Variants in CSPP1 observed in about 807,000 individuals in gnomAD.
CSPP1 encodes centrosome and spindle pole associated protein 1, also known as centrosome and spindle pole-associated protein 1.
In CSPP1, 126 loss-of-function variants were observed where a neutral mutation model predicts 164.4. The ratio of observed to expected loss-of-function variants is 0.77; its 90% CI spans 0.66 to 0.89. CSPP1 has a LOEUF of 0.89. Among genes scored for constraint, CSPP1 ranks in the 40% least tolerant of loss-of-function variants. The pLI, the probability that CSPP1 is intolerant of heterozygous loss-of-function variation, is 0.00. For missense variants in CSPP1, 1,395 were observed against 1,449.8 expected, an observed-to-expected ratio of 0.96 and a Z score of 0.61; for synonymous variants, 472 against 476.7, an observed-to-expected ratio of 0.99 and a Z score of 0.13.
intron 7 of CSPP1, among the ~76,000 whole-genome samples, chr8:67,096,163 T>C (rs1189315516): frequency 6.6e-6 from 1 of 152,182 alleles, no homozygotes; most frequent in Admixed American, 6.5e-5. Context: ...CAAAGAAACC[T>C]TGAGGCAAGA....
chr8:67,183,311 C>T (rs985665868), intron 28 of CSPP1, among the ~76,000 whole-genome samples: 4 of 152,212 alleles, frequency 2.6e-5, no homozygotes, highest in East Asian at 1.9e-4. Flanking sequence ...TAATGGATGT[C>T]GAAAGACAAC....
intron 27 of CSPP1, 69 bp downstream of exon 27, chr8:67,177,795 C>T: frequency 9.6e-7 from 1 of 1,041,538 alleles, no homozygotes; most frequent in South Asian, 1.3e-5. Flanking sequence ...ATATGATGAT[C>T]AAGTAATTCA....
At chr8:67,082,941 C>T (rs1809517584) in intron 3 of CSPP1, among the ~76,000 whole-genome samples, 1 of 152,154 alleles carries the variant, frequency 6.6e-6, no homozygotes, top group African/African-American at 2.4e-5. Context: ...TTCCTTAGCT[C>T]ATTAAGTCAA....
intron 16 of CSPP1, chr8:67,134,367 G>A (rs1054718515): frequency 6.6e-6 from 1 of 152,078 alleles, no homozygotes; most frequent in African/African-American, 2.4e-5. Flanking sequence ...TGTATATCTA[G>A]CTCTTGGTTG....
chr8:67,139,750 A>T lies in CSPP1; in HGVS notation c.1975+2147A>T, dbSNP rs963017776. Among the ~76,000 whole-genome samples the T allele has an allele frequency of 3.3e-5, 5 of 152,292 alleles. No homozygotes were observed. In the East Asian group the frequency reaches 9.7e-4, roughly 29 times the overall value. On this transcript the variant is annotated intron_variant, in intron 17 of 30. Transcript: ENST00000678616. ...CAGCAAACTATTGCAAGGACAAAAA[A>T]CCAAACACCGCATGTTCTCACTCAT...
intron 26 of CSPP1, 187 bp downstream of exon 26, chr8:67,175,623 C>T: frequency 1.4e-6 from 1 of 718,586 alleles, no homozygotes; most frequent in South Asian, 1.5e-5. Flanking sequence ...AGTGGCTCCA[C>T]TAGGGTGGTG....
intron 28 of CSPP1, among the ~76,000 whole-genome samples, chr8:67,187,507 C>T (rs1005053816): frequency 6.6e-6 from 1 of 152,026 alleles, no homozygotes; most frequent in African/African-American, 2.4e-5. Context: ...CAAAACAACA[C>T]CTTGTCTCTA....
intron 15 of CSPP1, among the ~76,000 whole-genome samples, chr8:67,126,174 A>G (rs1820019857): frequency 1.3e-5 from 2 of 152,148 alleles, no homozygotes; most frequent in South Asian, 2.1e-4. Context: ...CTTTCAACAT[A>G]TTTCTGATAA....
intron 7 of CSPP1, among the ~76,000 whole-genome samples, chr8:67,100,984 A>T (rs1322451257): frequency 6.6e-6 from 1 of 152,152 alleles, no homozygotes; most frequent in Non-Finnish European, 1.5e-5. Context: ...AATTTATTAC[A>T]GCAAAATGAT....
chr8:67,195,559 T>A lies in CSPP1; in HGVS notation c.3647T>A (p.Phe1216Tyr), dbSNP rs771365440. Residue 1216 changes from phenylalanine (F) to tyrosine (Y), a missense_variant, in exon 31 of 31, where the codon TTC becomes TAC. Transcript: ENST00000678616. The stretch of plus-strand genomic sequence containing the variant: ...CAGATTCCTGGAAAACCAGGCACTT[T>A]CACTTGGCAGGGCCTGTCGACTGCA... ...QQQIPGKPGTFTWQGLSTAHG is the reference protein window; with the variant it reads ...QQQIPGKPGTYTWQGLSTAHG 7.4e-6 allele frequency: 12 copies of A among 1,614,080 alleles called. No homozygotes were observed. In the East Asian group the frequency reaches 2.7e-4, roughly 36 times the overall value.
intron 1 of CSPP1, among the ~76,000 whole-genome samples, chr8:67,070,306 C>CA (rs1806459365): frequency 1.3e-5 from 2 of 151,582 alleles, no homozygotes; most frequent in African/African-American, 2.4e-5. Context: ...ACTAATAATA[C>CA]AAAAAAATTA....
At position 67,155,267 on chromosome 8, in the gene CSPP1, C is replaced by T. The variant is rs567384884; in HGVS notation, c.2241+1131C>T. Among the ~76,000 whole-genome samples, 5 of 152,296 alleles carry T rather than the reference C, an allele frequency of 3.3e-5. No homozygotes were observed. The South Asian group carries it at 1.0e-3, about 32-fold the overall frequency. On this transcript the variant is annotated intron_variant, in intron 19 of 30. Coordinates refer to ENST00000678616, the MANE Select transcript of CSPP1 (RefSeq NM_001382391.1). ...TACCAGTGTCAGATTAATCTTATGG[C>T]CTGGTTAATCCTCCTTTGATATGAC...
intron 1 of CSPP1, chr8:67,069,079 T>C (rs566287772): frequency 6.6e-6 from 1 of 152,352 alleles, no homozygotes; most frequent in African/African-American, 2.4e-5. Flanking sequence ...CACATATAAG[T>C]CTTTTCCAAT....
At chr8:67,077,580 G>A (rs186654537) in intron 3 of CSPP1, among the ~76,000 whole-genome samples, 137 of 152,144 alleles carry the variant, frequency 9.0e-4, no homozygotes, top group Non-Finnish European at 1.4e-3. Context: ...CAGGTGATCT[G>A]CCTGCCCGCC....
In CSPP1 at chr8:67,177,682, G is replaced by C; in HGVS notation, c.3112G>C (p.Asp1038His). ...CTTTTGTTCTCCATTGACTACAGTT[G>C]ACTTAGATGCCATCCCAAGTGCTAA... is the stretch of plus-strand genomic sequence containing the variant. ...RIKMQEGAKVDLDAIPSAKVR... is the reference protein window; with the variant it reads ...RIKMQEGAKVHLDAIPSAKVR... Residue 1038 changes from aspartate (D) to histidine (H), a missense_variant and splice_region_variant, in exon 27 of 31, where the codon GAC becomes CAC. Asp to His is a moderately conservative substitution (Grantham distance 81). Coordinates refer to ENST00000678616, the MANE Select transcript of CSPP1 (RefSeq NM_001382391.1). The C allele has an allele frequency of 6.2e-7, 1 of 1,608,636 alleles. No individual in the cohort carries two copies. Among genetic ancestry groups the C allele is most frequent in the South Asian group, 1.1e-5 (1 of 90,640 alleles).
chr8:67,132,066 G>C lies in CSPP1; in HGVS notation c.1813G>C (p.Ala605Pro). 1.2e-6 allele frequency: 2 copies of C among 1,612,520 alleles called. No individual in the cohort carries two copies. The highest frequency in any genetic ancestry group is 1.7e-6 in the Non-Finnish European group (2 of 1,179,258). ...ACAGTCACTTCAGTCTTACCAAGAG[G>C]CTTTGCAGCAGCAGGTATTGATTCA... ...SKQSLQSYQE[A>P]LQQQIREREE... Residue 605 changes from alanine to proline, a missense_variant, in exon 16 of 31, where the codon GCT (alanine) becomes CCT (proline). By Grantham distance (27) the Ala-to-Pro change is conservative. Coordinates refer to ENST00000678616, the MANE Select transcript of CSPP1 (RefSeq NM_001382391.1).
chr8:67,178,316 T>C (rs964150006), intron 27 of CSPP1, among the ~76,000 whole-genome samples: 1 of 146,900 alleles, frequency 6.8e-6, no homozygotes, highest in Non-Finnish European at 1.6e-5. Context: ...CACCCACCTG[T>C]ATCCTGAGGG....
Position 67,193,600 on chromosome 8 carries a change from C to CA in CSPP1, c.3468dup (p.Asp1157ArgfsTer2). 6.2e-7 allele frequency: 1 copy of CA among 1,612,468 alleles called. No individual in the cohort carries two copies. The highest frequency in any genetic ancestry group is 8.5e-7 in the Non-Finnish European group (1 of 1,178,892). ...GAATTTCACAATAAACCTATTAATA[C>CA]AGGTAAATGACCAAGTGTAATGGCC... On this transcript the variant is annotated frameshift_variant and splice_region_variant, in exon 30 of 31. Transcript: ENST00000678616. LOFTEE classifies it high-confidence loss of function.
chr8:67,144,706 C>CA (rs1359705120), intron 17 of CSPP1, among the ~76,000 whole-genome samples: 1 of 152,082 alleles, frequency 6.6e-6, no homozygotes, highest in East Asian at 1.9e-4. Context: ...CTTGGCCTCC[C>CA]AAAGTGCTGG....
Sources: gnomAD v4.1 joint callset for allele counts (sites outside exome capture counted in the v4.1 genomes callset) on GRCh38, gnomAD v4.1.1 for gene constraint, MANE v1.5 for transcripts, NCBI Gene and HGNC (gene_info 2026-07-23, HGNC 2026-07-21) for gene names.